The following CYP4F8 variants were observed in gnomAD, a reference collection of about 807,000 sequenced individuals.
CYP4F8 encodes cytochrome P450 family 4 subfamily F member 8, also known as cytochrome P450 4F8.
A neutral mutation model predicts 55.0 loss-of-function variants in CYP4F8; 56 were observed. The observed-to-expected ratio is 1.02, with a 90% CI of 0.82 to 1.27. The LOEUF is 1.27. Ranked by LOEUF, CYP4F8 falls within the 50% of genes most tolerant of loss-of-function variation. The pLI, the probability that CYP4F8 is intolerant of heterozygous loss-of-function variation, is 0.00. For missense variants in CYP4F8, 680 were observed against 682.4 expected (o/e 1.00, Z 0.04); for synonymous variants, 288 against 267.3 (o/e 1.08, Z -0.76).
At chr19:15,617,402 G>A (rs569891128) in intron 2 of CYP4F8, among the ~76,000 whole-genome samples, 1 of 152,180 alleles carries the variant, frequency 6.6e-6, no homozygotes, top group Non-Finnish European at 1.5e-5. Context: ...TCTAAAGCCT[G>A]CAGTGGGACC....
At chr19:15,620,886 G>A (rs1294468847) in intron 5 of CYP4F8, among the ~76,000 whole-genome samples, 1 of 152,136 alleles carries the variant, frequency 6.6e-6, no homozygotes, top group African/African-American at 2.4e-5. Context: ...GAAACGACTA[G>A]GATTTTTTTT....
At chr19:15,622,381 GGGGTGTGGGTGT>G in intron 6 of CYP4F8, 41 bp downstream of exon 6, 28 of 1,594,676 alleles carry the variant, frequency 1.8e-5, no homozygotes, top group Non-Finnish European at 2.2e-5. Context: ...GGATGGAGTG[GGGGTGTGGGTGT>G]GGGGAGAGCA....
Position 15,628,781 on chromosome 19 carries a change from C to T in CYP4F8, c.1335C>T (p.Phe445=), listed in dbSNP as rs376016975. ...PDPEVYDPFR[F]DPENAQKRSP... ...CCCAGGTCTATGACCCCTTCCGCTT[C>T]GACCCAGAAAACGCCCAGAAGAGGT... The change falls in exon 12 of 13, where the codon TTC becomes TTT. Residue 445 remains phenylalanine, a synonymous_variant. Coordinates refer to ENST00000612078, the MANE Select transcript of CYP4F8 (RefSeq NM_007253.4). 124 of 1,612,062 alleles carry T rather than the reference C, an allele frequency of 7.7e-5. No homozygotes were observed. In the African/African-American group the frequency reaches 1.5e-3, roughly 19 times the overall value.
At chr19:15,624,378 G>T (rs1356026456) in intron 9 of CYP4F8, among the ~76,000 whole-genome samples, 1 of 152,164 alleles carries the variant, frequency 6.6e-6, no homozygotes, top group Admixed American at 6.5e-5. Flanking sequence ...GTAAATTGGG[G>T]GTGTGGGGAA....
chr19:15,617,897 A>G, intron 2 of CYP4F8, 103 bp from the exon 3 acceptor site: 1 of 1,398,606 alleles, frequency 7.1e-7, no homozygotes, highest in Non-Finnish European at 9.7e-7. Context: ...CTCCTGAAAC[A>G]CTCTCACAGA....
chr19:15,616,308 C>T (rs967962725), intron 2 of CYP4F8, among the ~76,000 whole-genome samples: 1 of 148,232 alleles, frequency 6.7e-6, no homozygotes, highest in African/African-American at 2.5e-5. Flanking sequence ...ACTCATTCCT[C>T]TCCTTGCTCA....
Position 15,625,385 on chromosome 19 carries a change from A to G in CYP4F8, c.1115+1291A>G, listed in dbSNP as rs958305812. ...GTGTATATATATATAGTGTTTGTGT[A>G]TATATATATACACACACACATACTA... On this transcript the variant is annotated intron_variant, in intron 9 of 12. Transcript: ENST00000612078. 8.1e-5 allele frequency among the ~76,000 whole-genome samples: 12 copies of G among 148,810 alleles called. 1 individual carries two copies. Among genetic ancestry groups the G allele is most frequent in the African/African-American group, 2.9e-4 (12 of 40,868 alleles).
rs145765026 is a variant in CYP4F8, at chr19:15,618,721, T to C, written c.343+577T>C. On this transcript the variant is annotated intron_variant, in intron 3 of 12. Transcript: ENST00000612078. The stretch of plus-strand genomic sequence containing the variant: ...ACAAGAAGATGAGAAGGAGTTGTGG[T>C]TGGTGGAAGATCTAGGCTGCTATTT... The C allele has an allele frequency of 1.4e-3, 335 of 236,250 alleles. 1 individual carries two copies. The highest frequency in any genetic ancestry group is 6.9e-3 in the African/African-American group (304 of 44,348). The allele number at this position is 236,250 out of a possible 1,614,324, so 14.6% of individuals were successfully genotyped here.
At chr19:15,628,895 G>A in intron 12 of CYP4F8, 52 bp downstream of exon 12, 1 of 1,518,456 alleles carries the variant, frequency 6.6e-7, no homozygotes. Flanking sequence ...GGCACAGATG[G>A]CTGCCTTGTC....
intron 9 of CYP4F8, among the ~76,000 whole-genome samples, chr19:15,625,648 T>C (rs1972253571): frequency 6.6e-6 from 1 of 151,554 alleles, no homozygotes. Context: ...TTCCCTCGAG[T>C]TCCTATTTTT....
intron 5 of CYP4F8, 77 bp from the exon 6 acceptor site, chr19:15,622,142 C>A: frequency 6.5e-7 from 1 of 1,530,986 alleles, no homozygotes; most frequent in Admixed American, 2.2e-5. Context: ...TGGGGGAGTC[C>A]ATCCTGGTGG....
In CYP4F8 at chr19:15,628,795, C is replaced by A; in HGVS notation, c.1349C>A (p.Ala450Asp). The A allele has an allele frequency of 1.2e-6, 2 of 1,611,004 alleles. No individual in the cohort carries two copies. Among genetic ancestry groups the A allele is most frequent in the Non-Finnish European group, 1.7e-6 (2 of 1,178,790 alleles). The change falls in exon 12 of 13, where the codon GCC becomes GAC. Residue 450 changes from alanine (A) to aspartate (D), a missense_variant. Transcript: ENST00000612078. The part of the protein sequence containing the change: ...YDPFRFDPEN[A>D]QKRSPMAFIP... ...CCCTTCCGCTTCGACCCAGAAAACG[C>A]CCAGAAGAGGTCACCTATGGCTTTT... is the stretch of plus-strand genomic sequence containing the variant.
In CYP4F8 at chr19:15,615,739, C is replaced by G; in HGVS notation, c.123C>G (p.Phe41Leu). The change falls in exon 2 of 13, where the codon TTC (phenylalanine) becomes TTG (leucine). Residue 41 changes from phenylalanine to leucine, a missense_variant. Physicochemically the swap from Phe to Leu is conservative, Grantham distance 22 (BLOSUM62 0). Coordinates refer to ENST00000612078, the MANE Select transcript of CYP4F8 (RefSeq NM_007253.4). Reference protein sequence around the residue: ...LARILAWTYAFYHNGRRLRCF... With the variant: ...LARILAWTYALYHNGRRLRCF... Reference sequence around the variant, plus strand: ...GCATCCTGGCCTGGACCTATGCCTTCTATCACAACGGCCGCCGCCTCCGGT... The same window carrying G: ...GCATCCTGGCCTGGACCTATGCCTTGTATCACAACGGCCGCCGCCTCCGGT... 1 of 1,614,106 alleles carries G rather than the reference C, an allele frequency of 6.2e-7. No homozygotes were observed. The highest frequency in any genetic ancestry group is 8.5e-7 in the Non-Finnish European group (1 of 1,179,986).
In CYP4F8 at chr19:15,629,920, G is replaced by A. The variant is rs4019750; in HGVS notation, c.*562G>A. The A allele has an allele frequency of 0.74, 110,484 of 150,102 alleles. 40,837 individuals are homozygous for A. The highest frequency in any genetic ancestry group is 0.76 in the Admixed American group (11,498 of 15,116). 9.3% of individuals were successfully genotyped at this position (150,102 alleles called of 1,614,324 possible). A position where few individuals can be genotyped will look rare whatever the true frequency, so the allele number is the denominator to read the frequency against. On this transcript the variant is annotated 3_prime_UTR_variant, in exon 13 of 13. Transcript: ENST00000612078. Reference sequence around the variant, plus strand: ...TTTTTGAGACATGGTGTCTCTCGTCGCCCAGGCCGGAGTGCAGTGGCTCAC... The same window carrying A: ...TTTTTGAGACATGGTGTCTCTCGTCACCCAGGCCGGAGTGCAGTGGCTCAC...
chr19:15,622,372 G>GA (rs762157407), intron 6 of CYP4F8, 32 bp downstream of exon 6: 46 of 1,229,980 alleles, frequency 3.7e-5, no homozygotes, highest in Non-Finnish European at 5.2e-5. Flanking sequence ...GGGAACATGG[G>GA]ATGGAGTGGG....
rs1390150132 is a variant in CYP4F8, at chr19:15,618,148, C to T, written c.343+4C>T. On this transcript the variant is annotated splice_donor_region_variant and intron_variant, in intron 3 of 12. Transcript: ENST00000612078. ...CGATCTGTCATCAATACCTCAGGTA[C>T]TCCTGCAGAGCTTGTGGTGGTGGGC... 9 of 1,613,998 alleles carry T rather than the reference C, an allele frequency of 5.6e-6. No individual in the cohort carries two copies. The highest frequency in any genetic ancestry group is 7.6e-6 in the Non-Finnish European group (9 of 1,179,970).
rs375063511 is a variant in CYP4F8, at chr19:15,618,119, C to A, written c.318C>A (p.Ile106=). The A allele has an allele frequency of 1.9e-6, 3 of 1,614,124 alleles. No homozygotes were observed. The highest frequency in any genetic ancestry group is 2.5e-6 in the Non-Finnish European group (3 of 1,179,986). ...TPIINLCHPD[I]VRSVINTSDA... ...TCATCAACTTGTGCCACCCTGACATCGTCCGATCTGTCATCAATACCTCAG... is the reference window on the plus strand; with the variant it reads ...TCATCAACTTGTGCCACCCTGACATAGTCCGATCTGTCATCAATACCTCAG... Residue 106 remains isoleucine (I), a synonymous_variant, in exon 3 of 13, where the codon ATC becomes ATA. Transcript: ENST00000612078.
At chr19:15,619,342 C>T in intron 3 of CYP4F8, 148 bp from the exon 4 acceptor site, 3 of 856,722 alleles carry the variant, frequency 3.5e-6, no homozygotes, top group Non-Finnish European at 5.3e-6. Flanking sequence ...GCCCCCCACC[C>T]TCCTTTCTTC....
At chr19:15,616,943 GC>G (rs879410230) in intron 2 of CYP4F8, among the ~76,000 whole-genome samples, 2 of 151,766 alleles carry the variant, frequency 1.3e-5, no homozygotes, top group Non-Finnish European at 2.9e-5. Flanking sequence ...TGCAAAAGGT[GC>G]TCCCTGGTGA....
Sources: gnomAD v4.1 joint callset for allele counts (sites outside exome capture counted in the v4.1 genomes callset) on GRCh38, gnomAD v4.1.1 for gene constraint, MANE v1.5 for transcripts, NCBI Gene and HGNC (gene_info 2026-07-23, HGNC 2026-07-21) for gene names.